Variants in TYK2 observed in about 807,000 individuals in gnomAD.
The protein encoded by TYK2 is non-receptor tyrosine-protein kinase TYK2.
A neutral mutation model predicts 130.9 loss-of-function variants in TYK2; 65 were observed. The observed-to-expected ratio is 0.50, with a 90% confidence interval of 0.41 to 0.61. TYK2 has a LOEUF of 0.61. Ranked by LOEUF, TYK2 falls within the 20% of genes least tolerant of loss-of-function variation. The pLI is 0.00. For missense variants in TYK2, 1,378 were observed against 1,610.7 expected (o/e 0.86, Z 2.47); for synonymous variants, 647 against 658.9 (o/e 0.98, Z 0.28).
Position 10,354,246 on chromosome 19 carries a change from C to G in TYK2, c.2716-12G>C. On this transcript the variant is annotated splice_polypyrimidine_tract_variant and intron_variant, in intron 19 of 24. Transcript: ENST00000525621. Reference sequence around the variant, plus strand: ...TTGCCGAAGTGACCCTGGTCGGGAGCGCACGAGGGTCAGCTCCACCTCCCC... The same window carrying G: ...TTGCCGAAGTGACCCTGGTCGGGAGGGCACGAGGGTCAGCTCCACCTCCCC... 6.2e-7 allele frequency: 1 copy of G among 1,609,706 alleles called. No individual in the cohort carries two copies. Among genetic ancestry groups the G allele is most frequent in the Non-Finnish European group, 8.5e-7 (1 of 1,179,934 alleles).
chr19:10,368,323 C>T lies in TYK2; in HGVS notation c.289G>A (p.Ala97Thr), dbSNP rs2041760993. 6.2e-7 allele frequency: 1 copy of T among 1,614,198 alleles called. No homozygotes were observed. Among genetic ancestry groups the T allele is most frequent in the East Asian group, 2.2e-5 (1 of 44,888 alleles). Residue 97 changes from alanine to threonine, a missense_variant, in exon 4 of 25, where the codon GCA becomes ACA. Transcript: ENST00000525621. ...PNHILEIPRD[A>T]SLMLYFRIRF... ...ATGCGGAAATATAGCATCAGGCTTG[C>T]ATCTCTGGGGATCTCTAGGATGTGG...
chr19:10,356,928 A>C, intron 17 of TYK2: 1 of 606,350 alleles, frequency 1.6e-6, no homozygotes, highest in Non-Finnish European at 2.9e-6. Context: ...GTGATTATGC[A>C]GAGCTGGAGT....
Position 10,373,271 on chromosome 19 carries a change from C to G in TYK2, c.194-4853G>C, listed in dbSNP as rs373631960. The stretch of plus-strand genomic sequence containing the variant: ...CAGACTGGTCTCCAACTCCTGACCT[C>G]AAGTGATCCACCCGCCTTGGCCTCC... On this transcript the variant is annotated intron_variant, in intron 3 of 24. Transcript: ENST00000525621. Among the ~76,000 whole-genome samples, 15 of 152,104 alleles carry G rather than the reference C, an allele frequency of 9.9e-5. No individual in the cohort carries two copies. In the East Asian group the frequency reaches 2.5e-3, roughly 25 times the overall value.
In TYK2 at chr19:10,365,849, T is replaced by C. The variant is rs758211254; in HGVS notation, c.679A>G (p.Ser227Gly). 6.2e-7 allele frequency: 1 copy of C among 1,612,310 alleles called. No homozygotes were observed. The highest frequency in any genetic ancestry group is 8.5e-7 in the Non-Finnish European group (1 of 1,179,716). The change falls in exon 7 of 25, where the codon AGC becomes GGC. Residue 227 changes from serine to glycine, a missense_variant. By Grantham distance (56) the Ser-to-Gly change is moderately conservative (BLOSUM62 0). Transcript: ENST00000525621. The stretch of plus-strand genomic sequence containing the variant: ...CGAAGGCGCAGCCGGGTCAGGGCGC[T>C]GTGCTGCCGGATATGCCGGCGGAAG... ...RSFRRHIRQH[S>G]ALTRLRLRNV...
Position 10,368,388 on chromosome 19 carries a change from G to T in TYK2, c.224C>A (p.Ala75Asp), listed in dbSNP as rs150861764. 2 of 1,614,154 alleles carry T rather than the reference G, an allele frequency of 1.2e-6. No homozygotes were observed. The highest frequency in any genetic ancestry group is 1.3e-5 in the African/African-American group (1 of 75,034). ...GACTTGGGCCTGAGCATCGAAGAGG[G>T]CAAAGAGATTGAAGCAAGGAGGAGT... The part of the protein sequence containing the change: ...GITPPCFNLF[A>D]LFDAQAQVWL... The change falls in exon 4 of 25, where the codon GCC becomes GAC. Residue 75 changes from alanine (A) to aspartate (D), a missense_variant. Coordinates refer to ENST00000525621, the MANE Select transcript of TYK2 (RefSeq NM_003331.5).
At chr19:10,376,204 G>A (rs988687158) in intron 3 of TYK2, among the ~76,000 whole-genome samples, 1 of 140,812 alleles carries the variant, frequency 7.1e-6, no homozygotes, top group African/African-American at 2.7e-5. Context: ...GTAGAGATGC[G>A]GTTTCACTAC....
intron 3 of TYK2, among the ~76,000 whole-genome samples, chr19:10,372,458 C>CCATATATATATATATATATATATATA (rs2041946165): frequency 2.2e-5 from 1 of 45,988 alleles, no homozygotes; most frequent in Non-Finnish European, 3.4e-5. Flanking sequence ...CCACACACAG[C>CCATATATATATATATATATATATATA]TATATATATA....
rs1000484992 is a variant in TYK2 at position 10,361,194 on chromosome 19, G to A, written c.2047+317C>T. 3.6e-6 allele frequency: 2 copies of A among 550,252 alleles called. No homozygotes were observed. Among genetic ancestry groups the A allele is most frequent in the Admixed American group, 2.8e-5 (1 of 35,570 alleles). The allele number at this position is 550,252 out of a possible 1,614,324, so 34.1% of individuals were successfully genotyped here. On this transcript the variant is annotated intron_variant, in intron 14 of 24. Transcript: ENST00000525621. The surrounding 1 kb of genome is among the most constrained non-coding windows in gnomAD (Gnocchi z 4.0). ...GAGGCCATAGTGCTGATGGGGCCAGGAGCAGATGGGGGCTGGACTGTAGAG... is the reference window on the plus strand; with the variant it reads ...GAGGCCATAGTGCTGATGGGGCCAGAAGCAGATGGGGGCTGGACTGTAGAG...
Position 10,368,399 on chromosome 19 carries a change from GAAGC to G in TYK2, c.209_212del (p.Cys70SerfsTer21), listed in dbSNP as rs770927552. The G allele has an allele frequency of 1.4e-5, 23 of 1,614,142 alleles. No homozygotes were observed. In the Middle Eastern group the frequency reaches 4.9e-4, roughly 35 times the overall value. ...GAGCATCGAAGAGGGCAAAGAGATT[GAAGC>G]AAGGAGGAGTGATACCTGGATCAGG... On this transcript the variant is annotated frameshift_variant, in exon 4 of 25. Coordinates refer to ENST00000525621, the MANE Select transcript of TYK2 (RefSeq NM_003331.5). LOFTEE classifies it high-confidence loss of function.
chr19:10,353,424 C>G lies in TYK2; in HGVS notation c.3027+104G>C, dbSNP rs573280434. ...GCAAGGACAAGACAGCCTGGGCAAA[C>G]GAGCAGGGGCGGAGCGTGAGAGCAG... On this transcript the variant is annotated intron_variant, in intron 21 of 24. Coordinates refer to ENST00000525621, the MANE Select transcript of TYK2 (RefSeq NM_003331.5). The surrounding 1 kb of genome is among the most constrained non-coding windows in gnomAD (Gnocchi z 6.9). The G allele has an allele frequency of 6.1e-6, 5 of 825,898 alleles. No individual in the cohort carries two copies. Among genetic ancestry groups the G allele is most frequent in the South Asian group, 4.8e-5 (2 of 41,320 alleles). The allele number at this position is 825,898 out of a possible 1,614,324, so 51.2% of individuals were successfully genotyped here.
At chr19:10,375,172 G>GA (rs908085820) in intron 3 of TYK2, among the ~76,000 whole-genome samples, 261 of 114,434 alleles carry the variant, frequency 2.3e-3, no homozygotes, top group African/African-American at 5.3e-3. Context: ...CTCTACGAAA[G>GA]AAAAAAAAAA....
At position 10,365,783 on chromosome 19, in the gene TYK2, G is replaced by A. The variant is rs1209311064; in HGVS notation, c.745C>T (p.Arg249Ter). ...RRFLRDFQPGRLSQQMVMVKY... is the reference protein window; with the variant it reads ...RRFLRDFQPG ...ACCATGACCATCTGCTGGGAGAGTC[G>A]GCCCGGCTGGAAGTCCCGCAGGAAC... The change falls in exon 7 of 25, where the codon CGA (arginine) becomes TGA (stop). Residue 249 changes from arginine (R) to a stop codon, truncating the protein, a stop_gained. Transcript: ENST00000525621. LOFTEE classifies it high-confidence loss of function. 6.2e-7 allele frequency: 1 copy of A among 1,612,324 alleles called. No individual in the cohort carries two copies. The highest frequency in any genetic ancestry group is 8.5e-7 in the Non-Finnish European group (1 of 1,179,712).
At chr19:10,371,734 A>G (rs1279622544) in intron 3 of TYK2, among the ~76,000 whole-genome samples, 1 of 152,126 alleles carries the variant, frequency 6.6e-6, no homozygotes, top group Admixed American at 6.6e-5. Flanking sequence ...ATAAAGCTTC[A>G]TGCAGAATGA....
At position 10,353,453 on chromosome 19, in the gene TYK2, G is replaced by T; in HGVS notation, c.3027+75C>A. The T allele has an allele frequency of 9.4e-7, 1 of 1,064,592 alleles. No homozygotes were observed. The highest frequency in any genetic ancestry group is 1.3e-6 in the Non-Finnish European group (1 of 758,968). 65.9% of individuals were successfully genotyped at this position (1,064,592 alleles called of 1,614,324 possible). A position where few individuals can be genotyped will look rare whatever the true frequency, so the allele number is the denominator to read the frequency against. On this transcript the variant is annotated intron_variant, in intron 21 of 24. Transcript: ENST00000525621. The surrounding 1 kb of genome is among the most constrained non-coding windows in gnomAD (Gnocchi z 6.9). ...CAGGGGCGGAGCGTGAGAGCAGACT[G>T]CACCGGATCGCTCAGGCCAGCCCAA...
chr19:10,372,862 A>G lies in TYK2; in HGVS notation c.194-4444T>C, dbSNP rs532418997. 1.6e-4 allele frequency among the ~76,000 whole-genome samples: 24 copies of G among 151,592 alleles called. No homozygotes were observed. The South Asian group carries it at 4.6e-3, about 29-fold the overall frequency. ...TACTGCCCCTCTGTGAAGGGAGGATACCTCCCTGTGAAACAATATATATTT... is the reference window on the plus strand; with the variant it reads ...TACTGCCCCTCTGTGAAGGGAGGATGCCTCCCTGTGAAACAATATATATTT... On this transcript the variant is annotated intron_variant, in intron 3 of 24. Coordinates refer to ENST00000525621, the MANE Select transcript of TYK2 (RefSeq NM_003331.5).
At position 10,364,327 on chromosome 19, in the gene TYK2, C is replaced by A. The variant is rs2041547241; in HGVS notation, c.1367+287G>T. Among the ~76,000 whole-genome samples the A allele has an allele frequency of 6.6e-6, 1 of 152,010 alleles. No individual in the cohort carries two copies. Among genetic ancestry groups the A allele is most frequent in the Non-Finnish European group, 1.5e-5 (1 of 67,998 alleles). On this transcript the variant is annotated intron_variant, in intron 9 of 24. Coordinates refer to ENST00000525621, the MANE Select transcript of TYK2 (RefSeq NM_003331.5). The surrounding 1 kb of genome is among the most constrained non-coding windows in gnomAD (Gnocchi z 4.9). ...GGAGTTCAAGACTAGGTTGGCCAAT[C>A]TGATGAAACCCCATCTCTACAAAAA...
At position 10,353,508 on chromosome 19, in the gene TYK2, C is replaced by A; in HGVS notation, c.3027+20G>T. On this transcript the variant is annotated intron_variant, in intron 21 of 24. Coordinates refer to ENST00000525621, the MANE Select transcript of TYK2 (RefSeq NM_003331.5). This position sits in a 1 kb window ranked among gnomAD's most constrained non-coding sequence, Gnocchi z 6.9. ...AAGAGGAAGGGGCAAGCTCCAGAAG[C>A]AGGGGCGGGGCCGACCAACCTCGCA... is the stretch of plus-strand genomic sequence containing the variant. 1 of 1,477,178 alleles carries A rather than the reference C, an allele frequency of 6.8e-7. No homozygotes were observed. The highest frequency in any genetic ancestry group is 1.4e-5 in the South Asian group (1 of 71,272). The allele number at this position is 1,477,178 out of a possible 1,614,324, so 91.5% of individuals were successfully genotyped here.
intron 3 of TYK2, 145 bp from the exon 4 acceptor site, chr19:10,368,563 A>AACGT: frequency 8.3e-7 from 1 of 1,205,634 alleles, no homozygotes; most frequent in Non-Finnish European, 1.2e-6. Flanking sequence ...GCCCCTGGGC[A>AACGT]GAGGACAGTG....
At position 10,353,895 on chromosome 19, in the gene TYK2, C is replaced by G. The variant is rs1201435250; in HGVS notation, c.2908+147G>C. On this transcript the variant is annotated intron_variant, in intron 20 of 24. Coordinates refer to ENST00000525621, the MANE Select transcript of TYK2 (RefSeq NM_003331.5). This position sits in a 1 kb window ranked among gnomAD's most constrained non-coding sequence, Gnocchi z 6.9. ...AGATGGGAAGGAGGCAGCCCAGCCACGCTCACCCAGATGCCAAGAACCGCG... is the reference window on the plus strand; with the variant it reads ...AGATGGGAAGGAGGCAGCCCAGCCAGGCTCACCCAGATGCCAAGAACCGCG... 2 of 914,574 alleles carry G rather than the reference C, an allele frequency of 2.2e-6. No homozygotes were observed. The highest frequency in any genetic ancestry group is 3.4e-6 in the Non-Finnish European group (2 of 591,778). The allele number at this position is 914,574 out of a possible 1,614,324, so 56.7% of individuals were successfully genotyped here.
Sources: allele counts gnomAD v4.1 joint callset (sites outside exome capture counted in the v4.1 genomes callset), GRCh38; gene constraint gnomAD v4.1.1; non-coding constraint Gnocchi (gnomAD v3.1); transcripts MANE v1.5; gene names NCBI Gene and HGNC (gene_info 2026-07-23, HGNC 2026-07-21).